The following LRRD1 variants were observed in gnomAD, a reference collection of about 807,000 sequenced individuals.
LRRD1 encodes the protein leucine rich repeats and death domain containing 1.
In LRRD1, 49 loss-of-function variants were observed where a neutral mutation model predicts 69.5. The ratio of observed to expected loss-of-function variants is 0.70; its 90% CI spans 0.56 to 0.89. The LOEUF (loss-of-function observed/expected upper bound fraction) is 0.89. Ranked by LOEUF, LRRD1 falls within the 40% of genes least tolerant of loss-of-function variation. The pLI, the probability that LRRD1 is intolerant of heterozygous loss-of-function variation, is 0.00. For synonymous variants in LRRD1, 303 were observed against 338.9 expected (o/e 0.89, Z 1.16); for missense variants, 853 against 956.0 (o/e 0.89, Z 1.42).
chr7:92,150,204 G>A (rs1563188913), intron 4 of LRRD1, among the ~76,000 whole-genome samples: 2 of 152,116 alleles, frequency 1.3e-5, no homozygotes, highest in African/African-American at 4.8e-5. Flanking sequence ...GGTGGCTCAC[G>A]CCCGTAATCC....
At chr7:92,153,355 A>G (rs1788567566) in intron 3 of LRRD1, among the ~76,000 whole-genome samples, 1 of 151,828 alleles carries the variant, frequency 6.6e-6, no homozygotes, top group Non-Finnish European at 1.5e-5. Context: ...GTGAGCCACC[A>G]CGCCCGGCCT....
rs896792659 is a variant in LRRD1 at position 92,168,327 on chromosome 7, T to A, written c.-74-3051A>T. ...GGAGACCTGTCCCTGCCTCAACCCATGGGAAGTACTGGGAGTGCCTATAGG... is the reference window on the plus strand; with the variant it reads ...GGAGACCTGTCCCTGCCTCAACCCAAGGGAAGTACTGGGAGTGCCTATAGG... On this transcript the variant is annotated intron_variant, in intron 1 of 5. Coordinates refer to ENST00000458448, the MANE Select transcript of LRRD1 (RefSeq NM_001161528.2). Among the ~76,000 whole-genome samples the A allele has an allele frequency of 3.3e-5, 5 of 152,216 alleles. No homozygotes were observed. In the South Asian group the frequency reaches 1.0e-3, roughly 32 times the overall value.
chr7:92,146,025 A>T, intron 5 of LRRD1, 58 bp downstream of exon 5: 1 of 894,874 alleles, frequency 1.1e-6, no homozygotes, highest in Non-Finnish European at 1.7e-6. Context: ...TGCAATATCA[A>T]CATGATATAC....
chr7:92,147,758 G>T (rs1336069044), intron 4 of LRRD1, among the ~76,000 whole-genome samples: 2 of 151,814 alleles, frequency 1.3e-5, no homozygotes, highest in African/African-American at 4.8e-5. Context: ...TTTAGACAGG[G>T]TCTCACTCTG....
At chr7:92,152,140 A>AGTGTGTGT (rs71528038) in intron 3 of LRRD1, among the ~76,000 whole-genome samples, 4,101 of 142,810 alleles carry the variant, frequency 0.029, 90 homozygotes, top group African/African-American at 0.063. Flanking sequence ...TGCTTCTGGG[A>AGTGTGTGT]GTGTGTGTGT....
At chr7:92,155,449 G>C (rs1185878071) in intron 3 of LRRD1, among the ~76,000 whole-genome samples, 2 of 152,132 alleles carry the variant, frequency 1.3e-5, no homozygotes, top group African/African-American at 2.4e-5. Flanking sequence ...TGTTGATCAT[G>C]AGTAAAACCA....
Position 92,158,078 on chromosome 7 carries a change from A to G in LRRD1, c.2116+927T>C, listed in dbSNP as rs547970900. ...TAGGGCTATCTGTTAGCCCACAATG[A>G]TATCTACCTCCTGTTACCCCCTTGT... On this transcript the variant is annotated intron_variant, in intron 3 of 5. Transcript: ENST00000458448. 2.6e-5 allele frequency among the ~76,000 whole-genome samples: 4 copies of G among 152,310 alleles called. No homozygotes were observed. The East Asian group carries it at 7.7e-4, about 29-fold the overall frequency.
In LRRD1 at chr7:92,164,923, T is replaced by C; in HGVS notation, c.280A>G (p.Thr94Ala). ...GATGATAAACTCTGTGAAGTTCCTG[T>C]TCTAGTGCTTGTTTCAGAAAATTGA... ...NLQFSETSTR[T>A]GTSQSLSSLT... Residue 94 changes from threonine (T) to alanine (A), a missense_variant, in exon 2 of 6, where the codon ACA (threonine) becomes GCA (alanine). Around this residue, in one of 3 missense-constraint regions of LRRD1, gnomAD observed 99 missense variants for 107.0 expected, o/e 0.92. Transcript: ENST00000458448. 6.4e-7 allele frequency: 1 copy of C among 1,551,534 alleles called. No individual in the cohort carries two copies. Among genetic ancestry groups the C allele is most frequent in the Non-Finnish European group, 8.7e-7 (1 of 1,146,904 alleles).
At chr7:92,143,397 G>A (rs1001659485), downstream of LRRD1, among the ~76,000 whole-genome samples, 3 of 139,650 alleles carry the variant, frequency 2.1e-5, no homozygotes, top group African/African-American at 8.5e-5. Context: ...ATGGTCGATG[G>A]GTCTGGGCGC....
chr7:92,173,680 C>T (rs1397200984), intron 1 of LRRD1, among the ~76,000 whole-genome samples: 1 of 152,048 alleles, frequency 6.6e-6, no homozygotes, highest in African/African-American at 2.4e-5. Context: ...CCAGGAATCA[C>T]GGATGCTGGC....
chr7:92,150,205 C>T (rs1820431856), intron 4 of LRRD1, among the ~76,000 whole-genome samples: 1 of 152,176 alleles, frequency 6.6e-6, no homozygotes, highest in Non-Finnish European at 1.5e-5. Flanking sequence ...GTGGCTCACG[C>T]CCGTAATCCC....
At chr7:92,174,671 G>A (rs1286495612) in intron 1 of LRRD1, among the ~76,000 whole-genome samples, 1 of 148,030 alleles carries the variant, frequency 6.8e-6, no homozygotes, top group Non-Finnish European at 1.5e-5. Flanking sequence ...ACCATGCCCA[G>A]CTAATTTTGT....
At chr7:92,166,684 T>C (rs570704028) in intron 1 of LRRD1, among the ~76,000 whole-genome samples, 4 of 152,196 alleles carry the variant, frequency 2.6e-5, no homozygotes, top group South Asian at 2.1e-4. Context: ...AAGAAGAAAA[T>C]CCCATGTAAA....
chr7:92,141,653 C>A (rs1820149227), downstream of LRRD1: 1 of 152,130 alleles, frequency 6.6e-6, no homozygotes, highest in South Asian at 2.1e-4. Context: ...TTTCCAAGGT[C>A]CTTCACACTT....
At chr7:92,174,637 T>C (rs1194981841) in intron 1 of LRRD1, among the ~76,000 whole-genome samples, 1 of 145,882 alleles carries the variant, frequency 6.9e-6, no homozygotes, top group Non-Finnish European at 1.5e-5. Context: ...GCCTCCCGAG[T>C]AGCTGGGATT....
At chr7:92,150,501 G>T in intron 4 of LRRD1, 33 bp downstream of exon 4, 3 of 1,441,198 alleles carry the variant, frequency 2.1e-6, no homozygotes, top group South Asian at 3.1e-5. Context: ...AAAAAGAAAT[G>T]ACTTGTTAGA....
At chr7:92,170,122 A>G (rs1789018102) in intron 1 of LRRD1, among the ~76,000 whole-genome samples, 1 of 150,290 alleles carries the variant, frequency 6.7e-6, no homozygotes, top group Non-Finnish European at 1.5e-5. Context: ...GGAAGGAAGG[A>G]AGGAAGGGAG....
chr7:92,143,355 C>G (rs577744596), downstream of LRRD1, among the ~76,000 whole-genome samples: 39 of 152,172 alleles, frequency 2.6e-4, no homozygotes, highest in Non-Finnish European at 4.7e-4. Flanking sequence ...CTGTCAATCC[C>G]GCACCGTGTG....
intron 1 of LRRD1, among the ~76,000 whole-genome samples, chr7:92,176,961 TAA>T (rs201459895): frequency 1.3e-5 from 2 of 148,330 alleles, no homozygotes; most frequent in Non-Finnish European, 3.0e-5. Flanking sequence ...TATATATATA[TAA>T]AACAAGAATA....
Sources: allele counts gnomAD v4.1 joint callset (sites outside exome capture counted in the v4.1 genomes callset), GRCh38; gene constraint gnomAD v4.1.1; regional missense constraint gnomAD v4.1.1; transcripts MANE v1.5; gene names NCBI Gene and HGNC (gene_info 2026-07-23, HGNC 2026-07-21).